Variants in SULT4A1 observed in about 807,000 individuals in gnomAD.
SULT4A1 encodes sulfotransferase family 4A member 1.
In SULT4A1, 11 loss-of-function variants were observed where a neutral mutation model predicts 35.2. That is an observed-to-expected ratio of 0.31 (90% CI 0.20 to 0.52). The LOEUF is 0.52. Among genes scored for constraint, SULT4A1 ranks in the 20% least tolerant of loss-of-function variants. SULT4A1 has a pLI of 0.97. For synonymous variants in SULT4A1, 152 were observed against 151.8 expected, an observed-to-expected ratio of 1.00 and a Z score of -0.01; for missense variants, 271 against 383.7, an observed-to-expected ratio of 0.71 and a Z score of 2.45.
In SULT4A1 at chr22:43,838,267, C is replaced by A. The variant is rs148046108; in HGVS notation, c.508+600G>T. Among the ~76,000 whole-genome samples the A allele has an allele frequency of 2.0e-5, 3 of 152,374 alleles. No homozygotes were observed. In the East Asian group the frequency reaches 5.8e-4, roughly 29 times the overall value. ...CAGGGTGGAACCCAGCCTCGCTCCT[C>A]CTCAGGGGCTGGAATGGAAGCCAGA... On this transcript the variant is annotated intron_variant, in intron 4 of 6. Coordinates refer to ENST00000330884, the MANE Select transcript of SULT4A1 (RefSeq NM_014351.4).
In SULT4A1 at chr22:43,838,912, G is replaced by T. The variant is rs199511302; in HGVS notation, c.463C>A (p.Arg155=). 1 of 1,614,190 alleles carries T rather than the reference G, an allele frequency of 6.2e-7. No homozygotes were observed. The highest frequency in any genetic ancestry group is 8.5e-7 in the Non-Finnish European group (1 of 1,180,014). The change falls in exon 4 of 7, where the codon CGA becomes AGA. Residue 155 remains arginine, a synonymous_variant. Coordinates refer to ENST00000330884, the MANE Select transcript of SULT4A1 (RefSeq NM_014351.4). The part of the protein sequence containing the change: ...FHRSLRTMSY[R]GTFQEFCRRF... ...CGGCAGAATTCTTGAAAGGTGCCTC[G>T]GTAGCTCATGGTCCGCAGAGAGCGG...
intron 1 of SULT4A1, among the ~76,000 whole-genome samples, chr22:43,850,555 G>A (rs558937860): frequency 6.6e-6 from 1 of 152,300 alleles, no homozygotes; most frequent in African/African-American, 2.4e-5. Context: ...ATGGGTGGGT[G>A]TTCGCTCGAT....
At chr22:43,826,848 C>G in intron 6 of SULT4A1, 1 of 985,452 alleles carries the variant, frequency 1.0e-6, no homozygotes, top group Non-Finnish European at 1.2e-6. Context: ...CTGGGCACAG[C>G]CCCCAGCTGC....
intron 6 of SULT4A1, 145 bp downstream of exon 6, chr22:43,828,915 G>T: frequency 1.1e-6 from 1 of 907,624 alleles, no homozygotes; most frequent in Non-Finnish European, 1.6e-6. Flanking sequence ...AGCTAACAGA[G>T]CACAGGCCAT....
At chr22:43,843,844 A>G (rs1053230564) in intron 1 of SULT4A1, among the ~76,000 whole-genome samples, 1 of 152,256 alleles carries the variant, frequency 6.6e-6, no homozygotes, top group Admixed American at 6.5e-5. Flanking sequence ...CCGCTCTGGC[A>G]AATTAGTCAA....
chr22:43,828,078 T>C (rs1051008514), intron 6 of SULT4A1, among the ~76,000 whole-genome samples: 1 of 152,170 alleles, frequency 6.6e-6, no homozygotes, highest in Non-Finnish European at 1.5e-5. Context: ...CTATGTTGCG[T>C]TCCCAGAGGG....
intron 1 of SULT4A1, among the ~76,000 whole-genome samples, chr22:43,855,735 G>A (rs182819877): frequency 7.9e-5 from 12 of 152,198 alleles, no homozygotes; most frequent in South Asian, 2.1e-4. Context: ...TCTAGTGGTC[G>A]GAGATCAGGA....
chr22:43,850,415 C>T (rs2063503260), intron 1 of SULT4A1, among the ~76,000 whole-genome samples: 1 of 152,200 alleles, frequency 6.6e-6, no homozygotes, highest in Non-Finnish European at 1.5e-5. Context: ...GTAGTGATTA[C>T]ATTTCCTCTT....
At chr22:43,839,316 G>A (rs532588481) in intron 3 of SULT4A1, among the ~76,000 whole-genome samples, 18 of 152,376 alleles carry the variant, frequency 1.2e-4, no homozygotes, top group Middle Eastern at 6.8e-3. Context: ...GCCTCTGGCC[G>A]GGTGCGGTGG....
chr22:43,827,374 A>G (rs1183325908), intron 6 of SULT4A1: 71 of 1,141,732 alleles, frequency 6.2e-5, no homozygotes, highest in Non-Finnish European at 7.3e-5. Flanking sequence ...GTTGGAGAGA[A>G]AAACAAGAAA....
chr22:43,839,623 A>G (rs1267479503), intron 3 of SULT4A1, among the ~76,000 whole-genome samples: 1 of 152,192 alleles, frequency 6.6e-6, no homozygotes, highest in Non-Finnish European at 1.5e-5. Flanking sequence ...AAAACCCCAC[A>G]GGCCTTGGCA....
chr22:43,848,046 T>C (rs1003195875), intron 1 of SULT4A1, among the ~76,000 whole-genome samples: 1 of 152,012 alleles, frequency 6.6e-6, no homozygotes, highest in Non-Finnish European at 1.5e-5. Context: ...ACCCTCCTAA[T>C]TCCTGCCTGG....
chr22:43,862,120 C>A (rs2049477940), intron 1 of SULT4A1, 94 bp downstream of exon 1: 1 of 1,068,700 alleles, frequency 9.4e-7, no homozygotes, highest in Non-Finnish European at 1.2e-6. Context: ...GACCACCCGG[C>A]CCAGCAGAAG....
intron 4 of SULT4A1, among the ~76,000 whole-genome samples, chr22:43,835,115 G>GC (rs1412991485): frequency 1.4e-5 from 1 of 73,774 alleles, no homozygotes; most frequent in Non-Finnish European, 2.8e-5. Flanking sequence ...GCTTCCCGCA[G>GC]CCACACCGCA....
At chr22:43,856,732 T>C (rs1012828746) in intron 1 of SULT4A1, among the ~76,000 whole-genome samples, 5 of 152,072 alleles carry the variant, frequency 3.3e-5, no homozygotes, top group African/African-American at 7.2e-5. Flanking sequence ...ACTACAATAA[T>C]ATGAAACCAG....
chr22:43,838,868 C>T lies in SULT4A1; in HGVS notation c.507G>A (p.Lys169=). Reference sequence around the variant, plus strand: ...ATGCCGCCAGGCTGCAACACTCACGCTTATCATTCATAAACCTCCGGCAGA... The same window carrying T: ...ATGCCGCCAGGCTGCAACACTCACGTTTATCATTCATAAACCTCCGGCAGA... ...QEFCRRFMND[K]LGYGSWFEHV... Residue 169 remains lysine, a splice_region_variant and synonymous_variant, in exon 4 of 7, where the codon AAG becomes AAA. Transcript: ENST00000330884. The T allele has an allele frequency of 6.2e-7, 1 of 1,614,058 alleles. No homozygotes were observed. The highest frequency in any genetic ancestry group is 8.5e-7 in the Non-Finnish European group (1 of 1,179,946).
intron 1 of SULT4A1, among the ~76,000 whole-genome samples, chr22:43,855,899 T>C (rs900966996): frequency 2.0e-5 from 3 of 152,132 alleles, no homozygotes; most frequent in African/African-American, 4.8e-5. Context: ...ACCAGCTCAC[T>C]TGAGACAGGG....
chr22:43,850,654 T>C (rs756779501), intron 1 of SULT4A1, among the ~76,000 whole-genome samples: 2 of 152,124 alleles, frequency 1.3e-5, no homozygotes, highest in Non-Finnish European at 2.9e-5. Context: ...CACAGGATCT[T>C]CCTGGACCTC....
intron 2 of SULT4A1, among the ~76,000 whole-genome samples, chr22:43,840,386 C>G (rs2063416853): frequency 6.6e-6 from 1 of 152,058 alleles, no homozygotes; most frequent in African/African-American, 2.4e-5. Context: ...TGGAGAGAGT[C>G]TCGGACCCAG....
Sources: allele counts gnomAD v4.1 joint callset (sites outside exome capture counted in the v4.1 genomes callset), GRCh38; gene constraint gnomAD v4.1.1; transcripts MANE v1.5; gene names NCBI Gene and HGNC (gene_info 2026-07-23, HGNC 2026-07-21).